Variants in GTF2H1 observed in about 807,000 individuals in gnomAD.
GTF2H1 encodes general transcription factor IIH subunit 1.
GTF2H1 carries 16 observed loss-of-function variants against 71.2 expected under a neutral mutation model. That is an observed-to-expected ratio of 0.22 (90% confidence interval 0.15 to 0.34). The LOEUF is 0.34. Among genes scored for constraint, GTF2H1 ranks in the 10% least tolerant of loss-of-function variants. GTF2H1 has a pLI of 1.00. For synonymous variants in GTF2H1, 215 were observed against 219.0 expected, an observed-to-expected ratio of 0.98 and a Z score of 0.16; for missense variants, 498 against 648.2, an observed-to-expected ratio of 0.77 and a Z score of 2.52.
At chr11:18,352,481 C>T in intron 11 of GTF2H1, 35 bp downstream of exon 11, 2 of 815,666 alleles carry the variant, frequency 2.5e-6, no homozygotes, top group Non-Finnish European at 4.3e-6. Flanking sequence ...GCCAGAATTC[C>T]CATAGTTCCT....
At position 18,322,722 on chromosome 11, in the gene GTF2H1, G is replaced by A. The variant is rs1332009527; in HGVS notation, c.-34G>A. ...AACCCAGTTAGTTACTTCCTGTCTA[G>A]AGTTGTAGCTTCCACCTGGTAAGTT... is the stretch of plus-strand genomic sequence containing the variant. On this transcript the variant is annotated 5_prime_UTR_variant, in exon 1 of 15. Coordinates refer to ENST00000265963, the MANE Select transcript of GTF2H1 (RefSeq NM_005316.4). 7.3e-6 allele frequency: 1 copy of A among 137,434 alleles called. No individual in the cohort carries two copies. Among genetic ancestry groups the A allele is most frequent in the African/African-American group, 2.7e-5 (1 of 37,398 alleles). The allele number at this position is 137,434 out of a possible 1,614,324, so 8.5% of individuals were successfully genotyped here.
intron 1 of GTF2H1, among the ~76,000 whole-genome samples, chr11:18,328,642 C>T (rs1271767760): frequency 5.3e-5 from 8 of 151,654 alleles, no homozygotes; most frequent in African/African-American, 1.7e-4. Flanking sequence ...CTGGCTAACA[C>T]GGCGAAACTC....
Position 18,347,729 on chromosome 11 carries a change from G to A in GTF2H1, c.965+14G>A. ...ACTCAGAAAACAGTTAAGTATAAATGCAGAGGTGCAGTAACTGGGCTTTTC... is the reference window on the plus strand; with the variant it reads ...ACTCAGAAAACAGTTAAGTATAAATACAGAGGTGCAGTAACTGGGCTTTTC... On this transcript the variant is annotated intron_variant, in intron 8 of 14. Coordinates refer to ENST00000265963, the MANE Select transcript of GTF2H1 (RefSeq NM_005316.4). The A allele has an allele frequency of 6.2e-7, 1 of 1,611,548 alleles. No individual in the cohort carries two copies. The highest frequency in any genetic ancestry group is 8.5e-7 in the Non-Finnish European group (1 of 1,178,966).
At chr11:18,349,130 T>C (rs991271909) in intron 9 of GTF2H1, among the ~76,000 whole-genome samples, 3 of 152,176 alleles carry the variant, frequency 2.0e-5, no homozygotes, top group Non-Finnish European at 2.9e-5. Flanking sequence ...CCTGGCCTCA[T>C]GTGATCCGCC....
chr11:18,341,191 C>A (rs1048121420), intron 5 of GTF2H1, 70 bp from the exon 6 acceptor site: 1 of 1,198,558 alleles, frequency 8.3e-7, no homozygotes, highest in Non-Finnish European at 1.2e-6. Flanking sequence ...ATTTGTATTT[C>A]AGTTACCTAA....
intron 9 of GTF2H1, among the ~76,000 whole-genome samples, chr11:18,351,130 C>T (rs750177779): frequency 1.3e-5 from 2 of 151,752 alleles, no homozygotes; most frequent in African/African-American, 4.9e-5. Context: ...TAAGATTAAG[C>T]AAAAATTAAG....
intron 9 of GTF2H1, 60 bp downstream of exon 9, chr11:18,347,979 C>A: frequency 9.9e-7 from 1 of 1,010,370 alleles, no homozygotes; most frequent in Non-Finnish European, 1.6e-6. Context: ...CTTTATGTGA[C>A]TGCAAGTACT....
rs760599596 is a variant in GTF2H1 at position 18,333,042 on chromosome 11, CT to C, written c.-15-10del. The C allele has an allele frequency of 1.7e-5, 26 of 1,550,638 alleles. No homozygotes were observed. Among genetic ancestry groups the C allele is most frequent in the East Asian group, 4.6e-5 (2 of 43,134 alleles). Reference sequence around the variant, plus strand: ...TGTGTGGAATAGTTTTTTTCTTCATCTTTTTTTTCTCTCTTAGCACCTTCTA... The same window carrying C: ...TGTGTGGAATAGTTTTTTTCTTCATCTTTTTTTCTCTCTTAGCACCTTCTA... On this transcript the variant is annotated splice_polypyrimidine_tract_variant and intron_variant, in intron 1 of 14. Transcript: ENST00000265963.
At chr11:18,364,524 TAAACTA>T (rs1865776453) in intron 14 of GTF2H1, among the ~76,000 whole-genome samples, 6 of 152,226 alleles carry the variant, frequency 3.9e-5, no homozygotes, top group Middle Eastern at 6.8e-3. Context: ...GAGACTATAG[TAAACTA>T]AAATTGCACC....
At chr11:18,355,915 A>C (rs553248954) in intron 11 of GTF2H1, among the ~76,000 whole-genome samples, 1 of 152,246 alleles carries the variant, frequency 6.6e-6, no homozygotes, top group African/African-American at 2.4e-5. Context: ...TTTACAGTCA[A>C]ACCCTTCCTA....
intron 1 of GTF2H1, among the ~76,000 whole-genome samples, chr11:18,329,396 A>G (rs1415670794): frequency 6.6e-6 from 1 of 152,208 alleles, no homozygotes; most frequent in Non-Finnish European, 1.5e-5. Flanking sequence ...TCATGTCAGT[A>G]AGGCTCAGAA....
intron 7 of GTF2H1, among the ~76,000 whole-genome samples, chr11:18,342,408 C>T (rs914582932): frequency 9.9e-5 from 15 of 151,988 alleles, no homozygotes; most frequent in African/African-American, 2.7e-4. Flanking sequence ...ATTACAGGCA[C>T]GTGCCACCAC....
intron 2 of GTF2H1, among the ~76,000 whole-genome samples, chr11:18,334,410 A>G (rs1385106514): frequency 2.6e-5 from 4 of 152,164 alleles, no homozygotes; most frequent in Non-Finnish European, 5.9e-5. Context: ...ATGCCCTACA[A>G]ATTTCTGTTA....
chr11:18,340,886 A>G lies in GTF2H1; in HGVS notation c.608-375A>G, dbSNP rs375864518. Among the ~76,000 whole-genome samples the G allele has an allele frequency of 5.9e-5, 9 of 152,174 alleles. No homozygotes were observed. In the East Asian group the frequency reaches 9.6e-4, roughly 16 times the overall value. On this transcript the variant is annotated intron_variant, in intron 5 of 14. Transcript: ENST00000265963. ...TAAGCCGCTGGAGTGCTGAGCTGAC[A>G]GTCCAGTGGATATTGAGATCATTAT...
intron 12 of GTF2H1, 71 bp from the exon 13 acceptor site, chr11:18,358,450 CTGAG>C (rs768238429): frequency 1.0e-3 from 815 of 789,094 alleles, no homozygotes; most frequent in Non-Finnish European, 1.6e-3. Flanking sequence ...AATTTATTCT[CTGAG>C]TGGTCATTTT....
rs1157610311 is a variant in GTF2H1 at position 18,348,127 on chromosome 11, A to AT, written c.1053+213dup. 10 of 583,408 alleles carry AT rather than the reference A, an allele frequency of 1.7e-5. No homozygotes were observed. The East Asian group carries it at 2.8e-4, about 17-fold the overall frequency. 36.1% of individuals were successfully genotyped at this position (583,408 alleles called of 1,614,324 possible). On this transcript the variant is annotated intron_variant, in intron 9 of 14. Coordinates refer to ENST00000265963, the MANE Select transcript of GTF2H1 (RefSeq NM_005316.4). ...TTCCATTGACTCTAGCCTGTTAGCC[A>AT]TTTTTATTGTTTTTTGTTTGTTTGT...
intron 9 of GTF2H1, chr11:18,348,317 A>C: frequency 3.5e-6 from 1 of 288,236 alleles, no homozygotes; most frequent in East Asian, 5.8e-5. Flanking sequence ...TGTTAAACCT[A>C]GCATTTCAGA....
intron 11 of GTF2H1, among the ~76,000 whole-genome samples, chr11:18,353,380 G>A (rs952168830): frequency 1.3e-5 from 2 of 152,114 alleles, no homozygotes; most frequent in Non-Finnish European, 2.9e-5. Flanking sequence ...CCCACTACTC[G>A]AGTCTCATCT....
intron 14 of GTF2H1, among the ~76,000 whole-genome samples, chr11:18,361,187 AT>A (rs1193171036): frequency 2.0e-5 from 3 of 152,124 alleles, no homozygotes; most frequent in African/African-American, 7.2e-5. Flanking sequence ...ATACATACAT[AT>A]TTTTTAAATA....
Sources: allele counts gnomAD v4.1 joint callset (sites outside exome capture counted in the v4.1 genomes callset), GRCh38; gene constraint gnomAD v4.1.1; transcripts MANE v1.5; gene names NCBI Gene and HGNC (gene_info 2026-07-23, HGNC 2026-07-21).